The following ADGRL2 variants were observed in gnomAD, a reference collection of about 807,000 sequenced individuals.
The protein encoded by ADGRL2 is calcium-independent alpha-latrotoxin receptor 2.
Under a neutral mutation model 157.4 loss-of-function variants are expected in ADGRL2, and 44 were observed. That is an observed-to-expected ratio of 0.28 (90% CI 0.22 to 0.36). The LOEUF is 0.36. ADGRL2 is among the 10% of genes least tolerant of loss of function. The pLI, the probability that ADGRL2 is intolerant of heterozygous loss-of-function variation, is 1.00. For missense variants in ADGRL2, 1,510 were observed against 1,768.9 expected (o/e 0.85, Z 2.63); for synonymous variants, 585 against 624.7 (o/e 0.94, Z 0.95).
chr1:81,660,307 G>A (rs1168248368), intron 3 of ADGRL2, among the ~76,000 whole-genome samples: 2 of 152,108 alleles, frequency 1.3e-5, no homozygotes, highest in African/African-American at 2.4e-5. Flanking sequence ...GCCATCAGTT[G>A]CTTGTTTTCC....
chr1:81,721,673 T>C (rs1348786391), intron 1 of ADGRL2: 1 of 1,106,956 alleles, frequency 9.0e-7, no homozygotes, highest in African/African-American at 1.5e-5. Flanking sequence ...CTCTTCAGCT[T>C]CGCCCACTGC....
intron 2 of ADGRL2, among the ~76,000 whole-genome samples, chr1:81,857,134 C>G (rs2093230139): frequency 6.6e-6 from 1 of 152,010 alleles, no homozygotes; most frequent in African/African-American, 2.4e-5. Flanking sequence ...TACATTTTAG[C>G]CAAGGAAACT....
chr1:81,326,623 A>T (rs1476316480), intron 1 of ADGRL2, among the ~76,000 whole-genome samples: 2 of 152,222 alleles, frequency 1.3e-5, no homozygotes, highest in African/African-American at 4.8e-5. Context: ...AGAAAAAAAC[A>T]CATTAATTTG....
chr1:81,501,881 C>T, intron 2 of ADGRL2: 1 of 1,606,036 alleles, frequency 6.2e-7, no homozygotes, highest in Non-Finnish European at 8.5e-7. Flanking sequence ...GCAGGGCCAG[C>T]AGATGAGAGA....
intron 1 of ADGRL2, among the ~76,000 whole-genome samples, chr1:81,350,352 G>A (rs921967325): frequency 6.6e-6 from 1 of 152,290 alleles, no homozygotes; most frequent in East Asian, 1.9e-4. Flanking sequence ...ACACTGTAGA[G>A]TGAGGTTTAT....
intron 2 of ADGRL2, among the ~76,000 whole-genome samples, chr1:81,774,367 A>G (rs906954694): frequency 6.6e-6 from 1 of 152,210 alleles, no homozygotes; most frequent in African/African-American, 2.4e-5. Context: ...GATGGCAAAC[A>G]CATTAGATTG....
At chr1:81,932,604 G>A (rs1450022144) in intron 3 of ADGRL2, among the ~76,000 whole-genome samples, 1 of 152,186 alleles carries the variant, frequency 6.6e-6, no homozygotes, top group African/African-American at 2.4e-5. Context: ...AGAGTCACCT[G>A]CAACACTTGT....
chr1:81,874,635 T>TGTCCTGTCCTGTCC (rs1557823247), intron 2 of ADGRL2, among the ~76,000 whole-genome samples: 81 of 112,854 alleles, frequency 7.2e-4, no homozygotes, highest in East Asian at 5.2e-3. Flanking sequence ...TTGTCTTGTC[T>TGTCCTGTCCTGTCC]TGTCCTGTCC....
intron 2 of ADGRL2, among the ~76,000 whole-genome samples, chr1:81,570,182 T>A (rs1404897490): frequency 6.6e-6 from 1 of 152,152 alleles, no homozygotes; most frequent in Non-Finnish European, 1.5e-5. Context: ...CACAAGGAAG[T>A]GATTATCAAG....
chr1:81,492,745 T>C (rs2078659624), intron 2 of ADGRL2, among the ~76,000 whole-genome samples: 1 of 152,176 alleles, frequency 6.6e-6, no homozygotes, highest in African/African-American at 2.4e-5. Context: ...CAGCAAGGCA[T>C]TTAATATTGC....
chr1:81,700,895 G>C (rs918226546), intron 1 of ADGRL2, among the ~76,000 whole-genome samples: 6 of 152,234 alleles, frequency 3.9e-5, no homozygotes, highest in Admixed American at 3.9e-4. Flanking sequence ...CCAGTTTGCA[G>C]TCACAGAAAA....
At chr1:81,589,200 C>T (rs368268061) in intron 3 of ADGRL2, among the ~76,000 whole-genome samples, 33 of 152,264 alleles carry the variant, frequency 2.2e-4, no homozygotes, top group Middle Eastern at 3.4e-3. Flanking sequence ...ATGAACTCCA[C>T]GAGCATGTGC....
At chr1:81,521,991 G>A (rs755469042) in intron 2 of ADGRL2, among the ~76,000 whole-genome samples, 2 of 145,228 alleles carry the variant, frequency 1.4e-5, no homozygotes, top group Non-Finnish European at 1.5e-5. Context: ...TTGAGAAAGA[G>A]ACTTGTTCTG....
At chr1:81,435,690 T>G (rs2077396365) in intron 1 of ADGRL2, among the ~76,000 whole-genome samples, 1 of 152,178 alleles carries the variant, frequency 6.6e-6, no homozygotes, top group South Asian at 2.1e-4. Flanking sequence ...GAACAGAAAT[T>G]TTGTCTGTTT....
intron 22 of ADGRL2, chr1:81,987,301 A>T (rs953363912): frequency 1.1e-5 from 17 of 1,596,314 alleles, no homozygotes; most frequent in Non-Finnish European, 1.4e-5. Flanking sequence ...CTGACATCAC[A>T]TGGTCTGAGA....
intron 3 of ADGRL2, among the ~76,000 whole-genome samples, chr1:81,655,558 A>C (rs1221349180): frequency 6.6e-6 from 1 of 152,196 alleles, no homozygotes; most frequent in African/African-American, 2.4e-5. Flanking sequence ...ACCATTCTCC[A>C]AGGTACTTCA....
At chr1:81,587,895 C>A (rs1308600224) in intron 3 of ADGRL2, among the ~76,000 whole-genome samples, 2 of 152,202 alleles carry the variant, frequency 1.3e-5, no homozygotes, top group East Asian at 3.9e-4. Context: ...TACATACAAC[C>A]TTTCATGTGC....
intron 1 of ADGRL2, among the ~76,000 whole-genome samples, chr1:81,417,478 G>A (rs567538814): frequency 1.1e-4 from 16 of 152,050 alleles, no homozygotes; most frequent in Admixed American, 2.6e-4. Flanking sequence ...AGTAAGATAA[G>A]TGATGTTTTC....
chr1:81,585,202 A>C (rs2080999159), intron 3 of ADGRL2, among the ~76,000 whole-genome samples: 1 of 152,142 alleles, frequency 6.6e-6, no homozygotes, highest in Non-Finnish European at 1.5e-5. Context: ...GACTCACATA[A>C]GGAAAGCGGA....
Sources: allele counts gnomAD v4.1 joint callset (sites outside exome capture counted in the v4.1 genomes callset), GRCh38; gene constraint gnomAD v4.1.1; transcripts MANE v1.5; gene names NCBI Gene and HGNC (gene_info 2026-07-23, HGNC 2026-07-21).